INTS2: variants seen among roughly 807,000 people sequenced by gnomAD.
The protein encoded by INTS2 is integrator complex subunit 2.
A neutral mutation model predicts 139.6 loss-of-function variants in INTS2; 57 were observed. The observed-to-expected ratio is 0.41, with a 90% CI of 0.33 to 0.51. The LOEUF (loss-of-function observed/expected upper bound fraction) is 0.51, where lower values mean the gene tolerates loss of function less well. INTS2 is among the 20% of genes least tolerant of loss of function. INTS2 has a pLI of 0.28. For missense variants in INTS2, 1,196 were observed against 1,436.7 expected, an observed-to-expected ratio of 0.83 and a Z score of 2.71; for synonymous variants, 473 against 493.4, an observed-to-expected ratio of 0.96 and a Z score of 0.55.
intron 19 of INTS2, among the ~76,000 whole-genome samples, chr17:61,874,589 A>G (rs1371788622): frequency 6.6e-6 from 1 of 152,174 alleles, no homozygotes; most frequent in Non-Finnish European, 1.5e-5. Context: ...CCAGTTTTTT[A>G]AAAACCTTTT....
At position 61,889,780 on chromosome 17, in the gene INTS2, A is replaced by G. The variant is rs1297729018; in HGVS notation, c.1984+6T>C. Reference sequence around the variant, plus strand: ...CACTAGAACCACTCCTCTACGTACAACTTACCTAAAGTCTTCGTGTTTGCT... The same window carrying G: ...CACTAGAACCACTCCTCTACGTACAGCTTACCTAAAGTCTTCGTGTTTGCT... On this transcript the variant is annotated splice_donor_region_variant and intron_variant, in intron 15 of 24. Transcript: ENST00000251334. 2.0e-5 allele frequency: 29 copies of G among 1,457,088 alleles called. No individual in the cohort carries two copies. Among genetic ancestry groups the G allele is most frequent in the Non-Finnish European group, 2.7e-5 (28 of 1,041,496 alleles). 90.3% of individuals were successfully genotyped at this position (1,457,088 alleles called of 1,614,324 possible). A position where few individuals can be genotyped will look rare whatever the true frequency, so the allele number is the denominator to read the frequency against.
intron 9 of INTS2, among the ~76,000 whole-genome samples, chr17:61,900,297 A>C (rs1437340876): frequency 6.6e-6 from 1 of 152,204 alleles, no homozygotes; most frequent in Admixed American, 6.5e-5. Context: ...GACATTCTAT[A>C]TAAGTAGTAG....
rs1375676067 is a variant in INTS2, at chr17:61,877,986, G to A, written c.2357C>T (p.Thr786Ile). 2.5e-6 allele frequency: 4 copies of A among 1,612,660 alleles called. No individual in the cohort carries two copies. The highest frequency in any genetic ancestry group is 1.7e-5 in the Admixed American group (1 of 60,002). Residue 786 changes from threonine (T) to isoleucine (I), a missense_variant, in exon 18 of 25, where the codon ACA (threonine) becomes ATA (isoleucine). Thr to Ile is a moderately conservative substitution (Grantham distance 89). Transcript: ENST00000251334. ...ATTCAATAGCTGGCTCATATTGGATGTTAACACTTCCGCATATGGTATAAG... is the reference window on the plus strand; with the variant it reads ...ATTCAATAGCTGGCTCATATTGGATATTAACACTTCCGCATATGGTATAAG... ...SELIPYAEVL[T>I]SNMSQLLNSG...
chr17:61,875,621 A>T lies in INTS2; in HGVS notation c.2457-583T>A, dbSNP rs552073285. Among the ~76,000 whole-genome samples the T allele has an allele frequency of 1.6e-3, 237 of 152,294 alleles. No individual in the cohort carries two copies. The highest frequency in any genetic ancestry group is 5.5e-3 in the African/African-American group (229 of 41,550). ...CTTGATCTTACAGTGAAGCCCAGGA[A>T]TCCACCAGAGAACTTCCCCCTCTTA... On this transcript the variant is annotated intron_variant, in intron 18 of 24. Coordinates refer to ENST00000251334, the MANE Select transcript of INTS2 (RefSeq NM_001351695.2). The surrounding 1 kb of genome is among the most constrained non-coding windows in gnomAD (Gnocchi z 4.6).
At position 61,868,480 on chromosome 17, in the gene INTS2, A is replaced by ATACTAAG. The variant is rs796658904; in HGVS notation, c.3245-478_3245-472dup. On this transcript the variant is annotated intron_variant, in intron 23 of 24. Transcript: ENST00000251334. This position sits in a 1 kb window ranked among gnomAD's most constrained non-coding sequence, Gnocchi z 4.7. ...TATGGAAATATTATAATGAGAAAGA[A>ATACTAAG]TACTAAGTTAACTATGCCATTACAT... is the stretch of plus-strand genomic sequence containing the variant. Among the ~76,000 whole-genome samples the ATACTAAG allele has an allele frequency of 4.6e-5, 7 of 152,290 alleles. No individual in the cohort carries two copies. The highest frequency in any genetic ancestry group is 1.7e-4 in the African/African-American group (7 of 41,584).
Position 61,897,827 on chromosome 17 carries a change from A to C in INTS2, c.1308-88T>G. Reference sequence around the variant, plus strand: ...GCATTCTGAAGTTATTTTTGGTAGAAATTATTTTTCCTGCCCTATTTTCAA... The same window carrying C: ...GCATTCTGAAGTTATTTTTGGTAGACATTATTTTTCCTGCCCTATTTTCAA... On this transcript the variant is annotated intron_variant, in intron 9 of 24. Coordinates refer to ENST00000251334, the MANE Select transcript of INTS2 (RefSeq NM_001351695.2). This position sits in a 1 kb window ranked among gnomAD's most constrained non-coding sequence, Gnocchi z 4.4. 1.0e-6 allele frequency: 1 copy of C among 976,624 alleles called. No individual in the cohort carries two copies. Among genetic ancestry groups the C allele is most frequent in the Non-Finnish European group, 1.5e-6 (1 of 648,994 alleles). The allele number at this position is 976,624 out of a possible 1,614,324, so 60.5% of individuals were successfully genotyped here.
intron 12 of INTS2, chr17:61,894,281 A>T (rs559641375): frequency 3.9e-5 from 6 of 154,268 alleles, no homozygotes; most frequent in African/African-American, 1.4e-4. Flanking sequence ...ATGGGGGGAA[A>T]ATATTCTTTT....
At chr17:61,922,509 AACATATATATATATAT>A (rs1467145855) in intron 3 of INTS2, among the ~76,000 whole-genome samples, 1 of 49,066 alleles carries the variant, frequency 2.0e-5, no homozygotes, top group Non-Finnish European at 4.6e-5. Flanking sequence ...AAAACAAACA[AACATATATATATATAT>A]ATATATATAT....
At chr17:61,907,377 C>T (rs1466648003) in intron 8 of INTS2, 31 bp downstream of exon 8, 1 of 1,518,598 alleles carries the variant, frequency 6.6e-7, no homozygotes. Context: ...GGTAAAATGA[C>T]AAAAAGGTAA....
At chr17:61,924,919 T>C (rs373313910) in intron 3 of INTS2, 42 bp downstream of exon 3, 29 of 1,591,604 alleles carry the variant, frequency 1.8e-5, no homozygotes, top group Non-Finnish European at 2.3e-5. Flanking sequence ...TACATAGACA[T>C]CAAATCATGC....
intron 15 of INTS2, among the ~76,000 whole-genome samples, chr17:61,889,424 C>T (rs979571484): frequency 6.6e-6 from 1 of 152,064 alleles, no homozygotes; most frequent in African/African-American, 2.4e-5. Flanking sequence ...ACTCTTTACA[C>T]TAATGGAAGG....
chr17:61,868,118 T>A lies in INTS2; in HGVS notation c.3245-109A>T. On this transcript the variant is annotated intron_variant, in intron 23 of 24. Transcript: ENST00000251334. This position sits in a 1 kb window ranked among gnomAD's most constrained non-coding sequence, Gnocchi z 4.7. ...TCTGTGCTGGAGATATGAAGTTCTC[T>A]AAACACAGCCAACCCGTCTTCAGAA... 1.3e-6 allele frequency: 1 copy of A among 799,886 alleles called. No individual in the cohort carries two copies. Among genetic ancestry groups the A allele is most frequent in the Non-Finnish European group, 1.8e-6 (1 of 543,430 alleles). 49.5% of individuals were successfully genotyped at this position (799,886 alleles called of 1,614,324 possible). A position where few individuals can be genotyped will look rare whatever the true frequency, so the allele number is the denominator to read the frequency against.
At chr17:61,879,806 G>A (rs2079161605) in intron 17 of INTS2, among the ~76,000 whole-genome samples, 1 of 152,026 alleles carries the variant, frequency 6.6e-6, no homozygotes, top group South Asian at 2.1e-4. Context: ...CACCACTGCA[G>A]TCCAGAGTAG....
chr17:61,896,172 G>A (rs996470832), intron 11 of INTS2, among the ~76,000 whole-genome samples: 8 of 149,918 alleles, frequency 5.3e-5, no homozygotes, highest in East Asian at 3.9e-4. Context: ...CCTGGGAGAC[G>A]GAGCTTGCAG....
chr17:61,874,479 G>A (rs1288077470), intron 19 of INTS2, among the ~76,000 whole-genome samples: 2 of 152,186 alleles, frequency 1.3e-5, no homozygotes, highest in Non-Finnish European at 2.9e-5. Flanking sequence ...TTAGCAATTG[G>A]TAAGGATTTA....
At chr17:61,877,669 A>C (rs935225966) in intron 18 of INTS2, among the ~76,000 whole-genome samples, 1 of 152,222 alleles carries the variant, frequency 6.6e-6, no homozygotes, top group South Asian at 2.1e-4. Context: ...AGAACTTCCT[A>C]AAGTTAGAAA....
rs2079322085 is a variant in INTS2, at chr17:61,893,973, T to C, written c.1564-74A>G. 2 of 987,534 alleles carry C rather than the reference T, an allele frequency of 2.0e-6. No homozygotes were observed. Among genetic ancestry groups the C allele is most frequent in the Non-Finnish European group, 2.9e-6 (2 of 686,672 alleles). 61.2% of individuals were successfully genotyped at this position (987,534 alleles called of 1,614,324 possible). A position where few individuals can be genotyped will look rare whatever the true frequency, so the allele number is the denominator to read the frequency against. ...TTATTTTGAAAGAGAGATTAGTAAG[T>C]AGACTGTCAACACCTAATACAAGTG... On this transcript the variant is annotated intron_variant, in intron 12 of 24. Transcript: ENST00000251334. This position sits in a 1 kb window ranked among gnomAD's most constrained non-coding sequence, Gnocchi z 5.4.
intron 9 of INTS2, among the ~76,000 whole-genome samples, chr17:61,902,989 AC>A (rs1300562172): frequency 2.0e-5 from 3 of 151,002 alleles, no homozygotes; most frequent in Non-Finnish European, 4.4e-5. Context: ...ACATGGTGAA[AC>A]CCCGTCTCTA....
chr17:61,881,390 A>C (rs1243640726), intron 16 of INTS2, among the ~76,000 whole-genome samples: 1 of 152,208 alleles, frequency 6.6e-6, no homozygotes, highest in Non-Finnish European at 1.5e-5. Context: ...TGAGGTCAGG[A>C]GTTCAAGACC....
Sources: allele counts gnomAD v4.1 joint callset (sites outside exome capture counted in the v4.1 genomes callset), GRCh38; gene constraint gnomAD v4.1.1; non-coding constraint Gnocchi (gnomAD v3.1); transcripts MANE v1.5; gene names NCBI Gene and HGNC (gene_info 2026-07-23, HGNC 2026-07-21).